The following KCTD8 variants were observed in gnomAD, a reference collection of about 807,000 sequenced individuals.
KCTD8 encodes BTB/POZ domain-containing protein KCTD8.
A neutral mutation model predicts 31.5 loss-of-function variants in KCTD8; 27 were observed. The observed-to-expected ratio is 0.86, with a 90% CI of 0.63 to 1.18. The LOEUF (loss-of-function observed/expected upper bound fraction) is 1.18, where lower values mean the gene tolerates loss of function less well. Ranked by LOEUF, KCTD8 falls within the 50% of genes most tolerant of loss-of-function variation. KCTD8 has a pLI of 0.00. For missense variants in KCTD8, 658 were observed against 647.7 expected, an observed-to-expected ratio of 1.02 and a Z score of -0.17; for synonymous variants, 290 against 280.0, an observed-to-expected ratio of 1.04 and a Z score of -0.36.
At chr4:44,238,996 C>G (rs1715369427) in intron 1 of KCTD8, among the ~76,000 whole-genome samples, 1 of 151,968 alleles carries the variant, frequency 6.6e-6, no homozygotes, top group Admixed American at 6.6e-5. Flanking sequence ...TCTAAGGAAA[C>G]AAAAAACACA....
intron 1 of KCTD8, among the ~76,000 whole-genome samples, chr4:44,195,002 T>C (rs916642106): frequency 3.4e-4 from 52 of 151,036 alleles, no homozygotes; most frequent in Admixed American, 2.0e-3. Flanking sequence ...ATTACAGGCA[T>C]GTACCACCAC....
chr4:44,281,192 T>G (rs975822118), intron 1 of KCTD8, among the ~76,000 whole-genome samples: 9 of 152,056 alleles, frequency 5.9e-5, no homozygotes, highest in Non-Finnish European at 1.2e-4. Flanking sequence ...TATGCAAAAC[T>G]CTGTCACTTG....
At chr4:44,261,027 T>G (rs1716145343) in intron 1 of KCTD8, among the ~76,000 whole-genome samples, 1 of 152,102 alleles carries the variant, frequency 6.6e-6, no homozygotes, top group East Asian at 1.9e-4. Flanking sequence ...TAAACTATGG[T>G]CTTCGTGGTG....
At chr4:44,432,703 A>G (rs1217277647) in intron 1 of KCTD8, among the ~76,000 whole-genome samples, 2 of 151,682 alleles carry the variant, frequency 1.3e-5, no homozygotes, top group Admixed American at 1.3e-4. Flanking sequence ...CAATCCCATT[A>G]TCTTCCCTCT....
chr4:44,378,000 G>A (rs942732145), intron 1 of KCTD8, among the ~76,000 whole-genome samples: 11 of 151,688 alleles, frequency 7.3e-5, no homozygotes, highest in African/African-American at 2.7e-4. Context: ...CATAGACTGT[G>A]AAATGATGAG....
Position 44,433,605 on chromosome 4 carries a change from A to T in KCTD8, c.961+13958T>A, listed in dbSNP as rs555720321. The stretch of plus-strand genomic sequence containing the variant: ...AGATTCTGTACTTATTTACTACAAG[A>T]CATCTGATAAAGGCCTTCACTAGAT... On this transcript the variant is annotated intron_variant, in intron 1 of 1. Transcript: ENST00000360029. Among the ~76,000 whole-genome samples the T allele has an allele frequency of 2.0e-5, 3 of 151,862 alleles. No individual in the cohort carries two copies. In the South Asian group the frequency reaches 6.2e-4, roughly 32 times the overall value.
At chr4:44,353,014 A>G (rs1292609747) in intron 1 of KCTD8, among the ~76,000 whole-genome samples, 5 of 152,166 alleles carry the variant, frequency 3.3e-5, no homozygotes, top group Non-Finnish European at 7.4e-5. Flanking sequence ...TAAGTGTACA[A>G]TACAATGAGT....
intron 1 of KCTD8, among the ~76,000 whole-genome samples, chr4:44,262,878 G>T (rs1313504675): frequency 6.6e-6 from 1 of 152,090 alleles, no homozygotes; most frequent in Admixed American, 6.5e-5. Context: ...ACTCTCAAGG[G>T]TATCTTTCAA....
At chr4:44,425,607 T>C (rs891937106) in intron 1 of KCTD8, among the ~76,000 whole-genome samples, 3 of 152,010 alleles carry the variant, frequency 2.0e-5, no homozygotes, top group African/African-American at 7.2e-5. Flanking sequence ...GATGAATGTT[T>C]AAAGAATCAA....
intron 1 of KCTD8, among the ~76,000 whole-genome samples, chr4:44,243,944 C>T (rs1351627416): frequency 6.6e-6 from 1 of 152,162 alleles, no homozygotes; most frequent in Non-Finnish European, 1.5e-5. Flanking sequence ...CCCAAAGAGC[C>T]TACTAATTCC....
chr4:44,203,786 T>A, intron 1 of KCTD8, among the ~76,000 whole-genome samples: 1 of 151,706 alleles, frequency 6.6e-6, no homozygotes, highest in Admixed American at 6.6e-5. Context: ...GTATTTAAAA[T>A]GAGAACGATA....
Position 44,365,247 on chromosome 4 carries a change from T to C in KCTD8, c.961+82316A>G, listed in dbSNP as rs555103463. On this transcript the variant is annotated intron_variant, in intron 1 of 1. Coordinates refer to ENST00000360029, the MANE Select transcript of KCTD8 (RefSeq NM_198353.3). ...TATTTTTTCTAAAAAATAAAGTCTA[T>C]TAATACTTTTCAATAAAAAAAATTG... Among the ~76,000 whole-genome samples, 10 of 152,198 alleles carry C rather than the reference T, an allele frequency of 6.6e-5. No individual in the cohort carries two copies. The South Asian group carries it at 2.1e-3, about 32-fold the overall frequency.
chr4:44,393,676 T>A (rs1720425622), intron 1 of KCTD8, among the ~76,000 whole-genome samples: 1 of 151,812 alleles, frequency 6.6e-6, no homozygotes, highest in South Asian at 2.1e-4. Context: ...TATCAGAATA[T>A]TTAAGTATCT....
intron 1 of KCTD8, among the ~76,000 whole-genome samples, chr4:44,312,213 TTCTTTC>T (rs1050932765): frequency 6.6e-6 from 1 of 152,090 alleles, no homozygotes; most frequent in African/African-American, 2.4e-5. Flanking sequence ...CGGGAGTGTT[TTCTTTC>T]TCTTTATTTC....
intron 1 of KCTD8, among the ~76,000 whole-genome samples, chr4:44,393,931 G>A (rs1257323837): frequency 4.0e-5 from 6 of 151,490 alleles, no homozygotes; most frequent in South Asian, 4.2e-4. Flanking sequence ...ATGCCTATAC[G>A]GTGTATATTT....
intron 1 of KCTD8, among the ~76,000 whole-genome samples, chr4:44,326,143 A>G (rs922067993): frequency 7.9e-5 from 12 of 151,888 alleles, no homozygotes; most frequent in Non-Finnish European, 1.5e-5. Flanking sequence ...TGTTTTAGTC[A>G]TGGAATAGAT....
intron 1 of KCTD8, among the ~76,000 whole-genome samples, chr4:44,242,089 T>C (rs1224912787): frequency 6.6e-6 from 1 of 152,154 alleles, no homozygotes; most frequent in Non-Finnish European, 1.5e-5. Context: ...GTGCAAAAAA[T>C]CTGGAAAGTG....
chr4:44,188,329 T>C (rs1200267582), intron 1 of KCTD8, among the ~76,000 whole-genome samples: 1 of 152,204 alleles, frequency 6.6e-6, no homozygotes, highest in Non-Finnish European at 1.5e-5. Flanking sequence ...TTTAATTTCA[T>C]TTCATAGTAC....
intron 1 of KCTD8, among the ~76,000 whole-genome samples, chr4:44,341,443 G>A (rs1392143596): frequency 6.6e-6 from 1 of 152,194 alleles, no homozygotes; most frequent in African/African-American, 2.4e-5. Context: ...TTGACCCACA[G>A]TGAAATTTCT....
Sources: gnomAD v4.1 joint callset for allele counts (sites outside exome capture counted in the v4.1 genomes callset) on GRCh38, gnomAD v4.1.1 for gene constraint, MANE v1.5 for transcripts, NCBI Gene and HGNC (gene_info 2026-07-23, HGNC 2026-07-21) for gene names.